The following NKAIN2 variants were observed in gnomAD, a reference collection of about 807,000 sequenced individuals.
The protein encoded by NKAIN2 is sodium/potassium-transporting ATPase subunit beta-1-interacting protein 2.
A neutral mutation model predicts 32.6 loss-of-function variants in NKAIN2; 14 were observed. That is an observed-to-expected ratio of 0.43 (90% CI 0.28 to 0.67). The LOEUF is 0.67. Ranked by LOEUF, NKAIN2 falls within the 30% of genes least tolerant of loss-of-function variation. The pLI is 0.17. For missense variants in NKAIN2, 198 were observed against 258.3 expected (o/e 0.77, Z 1.60); for synonymous variants, 80 against 87.2 (o/e 0.92, Z 0.46).
intron 1 of NKAIN2, among the ~76,000 whole-genome samples, chr6:123,956,289 CAT>C (rs1443176870): frequency 5.9e-5 from 9 of 152,268 alleles, no homozygotes; most frequent in African/African-American, 2.2e-4. Context: ...CGTGAAAATT[CAT>C]ATGTTGAAGC....
chr6:124,152,462 A>G (rs1321417085), intron 1 of NKAIN2, among the ~76,000 whole-genome samples: 1 of 151,964 alleles, frequency 6.6e-6, no homozygotes, highest in Non-Finnish European at 1.5e-5. Flanking sequence ...ATAATGAGAT[A>G]TCATTTCACT....
At chr6:124,334,191 G>A (rs1220268903) in intron 2 of NKAIN2, among the ~76,000 whole-genome samples, 1 of 152,138 alleles carries the variant, frequency 6.6e-6, no homozygotes, top group Admixed American at 6.5e-5. Context: ...CTCTTCAGGA[G>A]ATTTTATTTC....
At chr6:123,873,871 G>A (rs1166038567) in intron 1 of NKAIN2, among the ~76,000 whole-genome samples, 1 of 152,174 alleles carries the variant, frequency 6.6e-6, no homozygotes, top group Non-Finnish European at 1.5e-5. Flanking sequence ...ATAGGTAAAT[G>A]CACGCTGTTC....
intron 3 of NKAIN2, among the ~76,000 whole-genome samples, chr6:124,454,108 G>GTTT (rs1776228889): frequency 1.6e-4 from 5 of 31,814 alleles, no homozygotes; most frequent in African/African-American, 2.7e-4. Flanking sequence ...TTTTTTTTTG[G>GTTT]GGGGGGGGGT....
intron 2 of NKAIN2, among the ~76,000 whole-genome samples, chr6:124,310,577 A>G (rs933005126): frequency 2.0e-5 from 3 of 152,114 alleles, no homozygotes; most frequent in Non-Finnish European, 4.4e-5. Flanking sequence ...CCCTTGGAGG[A>G]CGTTAGGAAC....
chr6:124,360,967 A>G (rs1364769529), intron 3 of NKAIN2, among the ~76,000 whole-genome samples: 2 of 152,144 alleles, frequency 1.3e-5, no homozygotes, highest in African/African-American at 4.8e-5. Flanking sequence ...ATATAGCTTC[A>G]TTATTCTGTT....
At chr6:124,592,042 A>G (rs1488091310) in intron 3 of NKAIN2, among the ~76,000 whole-genome samples, 1 of 152,196 alleles carries the variant, frequency 6.6e-6, no homozygotes, top group East Asian at 1.9e-4. Flanking sequence ...AAATTCATAC[A>G]CTTTCTATAC....
chr6:124,120,980 A>C (rs1785852169), intron 1 of NKAIN2, among the ~76,000 whole-genome samples: 1 of 152,290 alleles, frequency 6.6e-6, no homozygotes, highest in South Asian at 2.1e-4. Context: ...TTCTTTTACC[A>C]GTCCCTGAGG....
chr6:124,122,699 T>C (rs1293526718), intron 1 of NKAIN2, among the ~76,000 whole-genome samples: 1 of 152,148 alleles, frequency 6.6e-6, no homozygotes, highest in Non-Finnish European at 1.5e-5. Flanking sequence ...TTTTAAATCA[T>C]TGTCACAAGT....
chr6:124,629,925 T>C (rs1783498544), intron 3 of NKAIN2, among the ~76,000 whole-genome samples: 1 of 152,140 alleles, frequency 6.6e-6, no homozygotes, highest in Non-Finnish European at 1.5e-5. Flanking sequence ...TTAGGTTCTA[T>C]GCTGGTGTGC....
intron 4 of NKAIN2, among the ~76,000 whole-genome samples, chr6:124,758,567 A>G (rs2114728035): frequency 6.6e-6 from 1 of 152,230 alleles, no homozygotes; most frequent in East Asian, 1.9e-4. Context: ...AGACATCAAC[A>G]AAGACACTCC....
intron 1 of NKAIN2, among the ~76,000 whole-genome samples, chr6:124,048,324 G>A (rs1782240496): frequency 6.6e-6 from 1 of 151,998 alleles, no homozygotes; most frequent in Non-Finnish European, 1.5e-5. Context: ...CAGCACTGAA[G>A]TAATCATTAT....
rs146009578 is a variant in NKAIN2 at position 124,340,670 on chromosome 6, G to A, written c.193-14597G>A. 1.2e-4 allele frequency among the ~76,000 whole-genome samples: 19 copies of A among 152,226 alleles called. No individual in the cohort carries two copies. The East Asian group carries it at 3.7e-3, about 29-fold the overall frequency. On this transcript the variant is annotated intron_variant, in intron 2 of 6. Coordinates refer to ENST00000368417, the MANE Select transcript of NKAIN2 (RefSeq NM_001040214.3). ...TCCTGTGTTAGTTTGCTAAGGATAA[G>A]CATGTAAAAGTATAGTTTGGTATTT... is the stretch of plus-strand genomic sequence containing the variant.
chr6:124,004,495 A>G (rs2114719754), intron 1 of NKAIN2, among the ~76,000 whole-genome samples: 1 of 152,012 alleles, frequency 6.6e-6, no homozygotes, highest in South Asian at 2.1e-4. Context: ...AATAACTGAA[A>G]CCGATCAACT....
chr6:124,244,282 T>A (rs1325909487), intron 1 of NKAIN2, among the ~76,000 whole-genome samples: 3 of 126,314 alleles, frequency 2.4e-5, no homozygotes. Flanking sequence ...GATGTTCCCC[T>A]TCCTGTGTCC....
intron 4 of NKAIN2, among the ~76,000 whole-genome samples, chr6:124,679,425 C>T (rs943580080): frequency 6.6e-6 from 1 of 152,194 alleles, no homozygotes; most frequent in African/African-American, 2.4e-5. Flanking sequence ...TTTCAGCTTT[C>T]TCCTTCCCTA....
chr6:124,188,444 T>A (rs968775899), intron 1 of NKAIN2, among the ~76,000 whole-genome samples: 1 of 152,180 alleles, frequency 6.6e-6, no homozygotes, highest in Non-Finnish European at 1.5e-5. Flanking sequence ...TGTAAAATAA[T>A]CTCTTTTACT....
intron 4 of NKAIN2, among the ~76,000 whole-genome samples, chr6:124,696,591 T>G (rs56335435): frequency 0.065 from 9,895 of 152,102 alleles, 480 homozygotes; most frequent in African/African-American, 0.13. Flanking sequence ...GCTATCATCA[T>G]GGGAAAACAC....
At chr6:124,282,800 G>A (rs183128113) in intron 1 of NKAIN2, among the ~76,000 whole-genome samples, 4 of 152,320 alleles carry the variant, frequency 2.6e-5, no homozygotes, top group Admixed American at 2.6e-4. Context: ...TGAAAGGCTT[G>A]TAGGTGTCTA....
Sources: allele counts gnomAD v4.1 joint callset (sites outside exome capture counted in the v4.1 genomes callset), GRCh38; gene constraint gnomAD v4.1.1; transcripts MANE v1.5; gene names NCBI Gene and HGNC (gene_info 2026-07-23, HGNC 2026-07-21).